SLC17A8: variants seen among roughly 807,000 people sequenced by gnomAD.
SLC17A8 encodes the protein vesicular glutamate transporter 3.
In SLC17A8, 31 loss-of-function variants were observed where a neutral mutation model predicts 58.0. The observed-to-expected ratio is 0.53, with a 90% CI of 0.40 to 0.72. SLC17A8 has a LOEUF of 0.72. Ranked by LOEUF, SLC17A8 falls within the 30% of genes least tolerant of loss-of-function variation. The probability of loss-of-function intolerance (pLI) is 0.00; values close to 1 mark genes in which losing one functional copy is unlikely to be tolerated. For missense variants in SLC17A8, 655 were observed against 727.8 expected, an observed-to-expected ratio of 0.90 and a Z score of 1.15; for synonymous variants, 228 against 249.0, an observed-to-expected ratio of 0.92 and a Z score of 0.79.
chr12:100,400,866 T>C (rs938540627), intron 5 of SLC17A8, among the ~76,000 whole-genome samples: 1 of 152,068 alleles, frequency 6.6e-6, no homozygotes, highest in Non-Finnish European at 1.5e-5. Flanking sequence ...AAGATAAACA[T>C]TCACACACAG....
chr12:100,368,205 C>T (rs912662108), intron 1 of SLC17A8, among the ~76,000 whole-genome samples: 1 of 152,208 alleles, frequency 6.6e-6, no homozygotes, highest in Non-Finnish European at 1.5e-5. Flanking sequence ...CAGGGCCAAG[C>T]TCCTCCTGAA....
intron 9 of SLC17A8, among the ~76,000 whole-genome samples, chr12:100,410,221 C>T (rs925031252): frequency 6.6e-6 from 1 of 152,246 alleles, no homozygotes; most frequent in Non-Finnish European, 1.5e-5. Context: ...TTAGACTGGG[C>T]GTGGTGGCTC....
chr12:100,402,316 C>T (rs1455261659), intron 6 of SLC17A8, 24 bp from the exon 7 acceptor site: 2 of 1,613,616 alleles, frequency 1.2e-6, no homozygotes, highest in Middle Eastern at 1.7e-4. Context: ...CCATATAACC[C>T]AGCCTTTTCT....
At chr12:100,395,226 A>G (rs931870586) in intron 4 of SLC17A8, among the ~76,000 whole-genome samples, 4 of 152,154 alleles carry the variant, frequency 2.6e-5, no homozygotes, top group African/African-American at 7.2e-5. Context: ...CAGCATCTGT[A>G]CTGTGAGTCA....
At chr12:100,387,251 T>G (rs2025800) in intron 2 of SLC17A8, among the ~76,000 whole-genome samples, 104,184 of 152,028 alleles carry the variant, frequency 0.69, 36,339 homozygotes, top group African/African-American at 0.82. Context: ...CTCTTCATCC[T>G]CACCAACACT....
At chr12:100,381,002 CGCTCGGTCTCCCAG>C in intron 2 of SLC17A8, 49 bp downstream of exon 2, 1 of 1,607,546 alleles carries the variant, frequency 6.2e-7, no homozygotes, top group Non-Finnish European at 8.5e-7. Context: ...GACAGGGTCT[CGCTCGGTCTCCCAG>C]GCTAGAGTAC....
Position 100,374,432 on chromosome 12 carries a change from T to A in SLC17A8, c.102-6269T>A, listed in dbSNP as rs149776341. 8.6e-3 allele frequency among the ~76,000 whole-genome samples: 1,305 copies of A among 152,292 alleles called. 7 individuals are homozygous for A. The highest frequency in any genetic ancestry group is 0.027 in the Middle Eastern group (8 of 294). ...TTCCACACCAGCCTGGCCAACACGCTGAAACCCTGTCTCTACTAAAAATAC... is the reference window on the plus strand; with the variant it reads ...TTCCACACCAGCCTGGCCAACACGCAGAAACCCTGTCTCTACTAAAAATAC... On this transcript the variant is annotated intron_variant, in intron 1 of 11. Transcript: ENST00000323346.
chr12:100,412,655 AC>A, intron 9 of SLC17A8, 114 bp from the exon 10 acceptor site: 1 of 753,814 alleles, frequency 1.3e-6, no homozygotes, highest in Non-Finnish European at 2.4e-6. Flanking sequence ...ATAGACACAA[AC>A]AAAATAAACT....
In SLC17A8 at chr12:100,383,364, C is replaced by T. The variant is rs147078649; in HGVS notation, c.354+2411C>T. 2.2e-3 allele frequency among the ~76,000 whole-genome samples: 334 copies of T among 152,234 alleles called. 1 individual carries two copies. Among genetic ancestry groups the T allele is most frequent in the African/African-American group, 7.5e-3 (313 of 41,536 alleles). On this transcript the variant is annotated intron_variant, in intron 2 of 11. Transcript: ENST00000323346. ...CTGAAATATGGTTTAAATTTTTTTCCTCTGGACTCAGGAGTAGGAATTTAG... is the reference window on the plus strand; with the variant it reads ...CTGAAATATGGTTTAAATTTTTTTCTTCTGGACTCAGGAGTAGGAATTTAG...
chr12:100,417,519 C>G (rs1248982382), intron 10 of SLC17A8, among the ~76,000 whole-genome samples: 1 of 152,200 alleles, frequency 6.6e-6, no homozygotes, highest in Non-Finnish European at 1.5e-5. Flanking sequence ...AGAAGGTTCT[C>G]CCAATGTTTG....
chr12:100,394,402 T>C, intron 4 of SLC17A8, among the ~76,000 whole-genome samples: 1 of 146,822 alleles, frequency 6.8e-6, no homozygotes, highest in Non-Finnish European at 1.5e-5. Flanking sequence ...CTTTTCCTTT[T>C]TTTTTTTTTT....
At chr12:100,368,799 A>G (rs1391523862) in intron 1 of SLC17A8, among the ~76,000 whole-genome samples, 1 of 152,244 alleles carries the variant, frequency 6.6e-6, no homozygotes, top group African/African-American at 2.4e-5. Flanking sequence ...AGTAAGGCCT[A>G]TAGATTCAAT....
chr12:100,421,011 A>G lies in SLC17A8; in HGVS notation c.*852A>G, dbSNP rs543267461. ...GGGTCAAAGACTACATCAGAGATTC[A>G]AATAGGTTTTTAAAGAAAAGCTAAG... On this transcript the variant is annotated 3_prime_UTR_variant, in exon 12 of 12. Transcript: ENST00000323346. 3.3e-5 allele frequency: 5 copies of G among 152,314 alleles called. No individual in the cohort carries two copies. The highest frequency in any genetic ancestry group is 2.1e-4 in the South Asian group (1 of 4,832). The allele number at this position is 152,314 out of a possible 1,614,324, so 9.4% of individuals were successfully genotyped here. A position where few individuals can be genotyped will look rare whatever the true frequency, so the allele number is the denominator to read the frequency against.
At chr12:100,365,056 C>T (rs1008279110) in intron 1 of SLC17A8, among the ~76,000 whole-genome samples, 1 of 152,112 alleles carries the variant, frequency 6.6e-6, no homozygotes, top group Admixed American at 6.5e-5. Flanking sequence ...GAAAACTGGC[C>T]CCTCTGACAT....
At chr12:100,364,047 C>CAAAAAA (rs3057169) in intron 1 of SLC17A8, among the ~76,000 whole-genome samples, 10 of 52,980 alleles carry the variant, frequency 1.9e-4, no homozygotes, top group African/African-American at 5.1e-4. Flanking sequence ...GATTCCATCT[C>CAAAAAA]AAAAAAAAAA....
At chr12:100,372,349 T>A (rs1277717896) in intron 1 of SLC17A8, among the ~76,000 whole-genome samples, 2 of 152,140 alleles carry the variant, frequency 1.3e-5, no homozygotes, top group African/African-American at 2.4e-5. Flanking sequence ...AGTCTCTTTT[T>A]ATTTATGTAT....
At chr12:100,410,342 A>C (rs993635743) in intron 9 of SLC17A8, among the ~76,000 whole-genome samples, 2 of 152,082 alleles carry the variant, frequency 1.3e-5, no homozygotes, top group Non-Finnish European at 2.9e-5. Flanking sequence ...AAATATATAA[A>C]CAATTAGCTG....
Position 100,418,107 on chromosome 12 carries a change from T to C in SLC17A8, c.1376T>C (p.Leu459Pro), listed in dbSNP as rs1952919874. The C allele has an allele frequency of 3.1e-6, 5 of 1,614,162 alleles. No homozygotes were observed. The highest frequency in any genetic ancestry group is 3.4e-6 in the Non-Finnish European group (4 of 1,180,018). Reference protein sequence around the residue: ...LMGISNGVGTLSGMVCPLIVG... With the variant: ...LMGISNGVGTPSGMVCPLIVG... Reference sequence around the variant, plus strand: ...GGGATCTCAAACGGAGTGGGAACCCTCTCTGGAATGGTCTGTCCCCTCATT... The same window carrying C: ...GGGATCTCAAACGGAGTGGGAACCCCCTCTGGAATGGTCTGTCCCCTCATT... The change falls in exon 11 of 12, where the codon CTC (leucine) becomes CCC (proline). Residue 459 changes from leucine to proline, a missense_variant. Transcript: ENST00000323346.
At chr12:100,364,890 TG>T (rs1952509655) in intron 1 of SLC17A8, among the ~76,000 whole-genome samples, 2 of 152,242 alleles carry the variant, frequency 1.3e-5, no homozygotes, top group East Asian at 1.9e-4. Flanking sequence ...GGGCCATCCC[TG>T]GGTGGGCTGA....
Sources: gnomAD v4.1 joint callset for allele counts (sites outside exome capture counted in the v4.1 genomes callset) on GRCh38, gnomAD v4.1.1 for gene constraint, MANE v1.5 for transcripts, NCBI Gene and HGNC (gene_info 2026-07-23, HGNC 2026-07-21) for gene names.